Variants in TMEM87B observed in about 807,000 individuals in gnomAD.
TMEM87B encodes the protein transmembrane protein 87B.
In TMEM87B, 83 loss-of-function variants were observed where a neutral mutation model predicts 80.3. The observed-to-expected ratio is 1.03, with a 90% CI of 0.87 to 1.24. The LOEUF is 1.24. Among genes scored for constraint, TMEM87B ranks in the 50% most tolerant of loss-of-function variants. The pLI, the probability that TMEM87B is intolerant of heterozygous loss-of-function variation, is 0.00. For missense variants in TMEM87B, 625 were observed against 674.4 expected (o/e 0.93, Z 0.81); for synonymous variants, 219 against 230.5 (o/e 0.95, Z 0.45).
intron 11 of TMEM87B, among the ~76,000 whole-genome samples, chr2:112,096,095 C>G (rs1679459330): frequency 6.6e-6 from 1 of 151,994 alleles, no homozygotes; most frequent in East Asian, 1.9e-4. Context: ...AGGTAAGACT[C>G]CTGGAGGCCC....
intron 17 of TMEM87B, among the ~76,000 whole-genome samples, chr2:112,110,419 T>G (rs1016459905): frequency 2.6e-5 from 4 of 152,210 alleles, no homozygotes; most frequent in African/African-American, 9.6e-5. Flanking sequence ...GTAGAATGTT[T>G]TTAATATTGC....
At chr2:112,065,643 CAAAAAAAAAA>C (rs58619427) in intron 3 of TMEM87B, among the ~76,000 whole-genome samples, 3 of 75,352 alleles carry the variant, frequency 4.0e-5, no homozygotes, top group Non-Finnish European at 5.4e-5. Flanking sequence ...ACCTTGTCTT[CAAAAAAAAAA>C]AAAAAAAAAA....
intron 1 of TMEM87B, among the ~76,000 whole-genome samples, chr2:112,056,516 G>T (rs1678068342): frequency 6.6e-6 from 1 of 152,158 alleles, no homozygotes; most frequent in African/African-American, 2.4e-5. Context: ...CAGAATTATG[G>T]AAAGTCTTGC....
At chr2:112,086,429 G>A (rs1679146986) in intron 9 of TMEM87B, among the ~76,000 whole-genome samples, 1 of 152,000 alleles carries the variant, frequency 6.6e-6, no homozygotes, top group Non-Finnish European at 1.5e-5. Flanking sequence ...AGCTTTTATG[G>A]TCCTATCTGA....
In TMEM87B at chr2:112,118,633, T is replaced by G. The variant is rs1194885116; in HGVS notation, c.*2490T>G. ...AAAATATGTGAATATGTGAATTTTT[T>G]AAGCCTGAGAGATGATAGAATGTTC... is the stretch of plus-strand genomic sequence containing the variant. On this transcript the variant is annotated 3_prime_UTR_variant, in exon 19 of 19. Transcript: ENST00000283206. 2.6e-5 allele frequency: 4 copies of G among 152,172 alleles called. No individual in the cohort carries two copies. The allele number at this position is 152,172 out of a possible 1,614,324, so 9.4% of individuals were successfully genotyped here. A position where few individuals can be genotyped will look rare whatever the true frequency, so the allele number is the denominator to read the frequency against.
intron 9 of TMEM87B, among the ~76,000 whole-genome samples, chr2:112,087,806 C>T (rs897798717): frequency 2.0e-5 from 3 of 152,152 alleles, no homozygotes; most frequent in African/African-American, 7.2e-5. Flanking sequence ...TCAGCCTCCC[C>T]AGTATTGCTC....
intron 13 of TMEM87B, 78 bp from the exon 14 acceptor site, chr2:112,098,517 A>G: frequency 7.6e-7 from 1 of 1,316,364 alleles, no homozygotes; most frequent in South Asian, 1.2e-5. Context: ...AGTACTTGTC[A>G]TTGTACATTA....
intron 8 of TMEM87B, among the ~76,000 whole-genome samples, chr2:112,083,170 T>C (rs890710405): frequency 6.6e-6 from 1 of 152,192 alleles, no homozygotes; most frequent in Non-Finnish European, 1.5e-5. Flanking sequence ...TCAGACTAAT[T>C]TTTTTGTTTT....
At chr2:112,097,322 T>A (rs752575587) in intron 13 of TMEM87B, 31 bp downstream of exon 13, 7 of 1,506,520 alleles carry the variant, frequency 4.6e-6, no homozygotes, top group Non-Finnish European at 6.3e-6. Flanking sequence ...TAAACAGTTA[T>A]TTTTATTTAT....
intron 14 of TMEM87B, among the ~76,000 whole-genome samples, chr2:112,099,556 A>ATG (rs1558847655): frequency 4.3e-5 from 2 of 46,372 alleles, no homozygotes; most frequent in African/African-American, 2.6e-4. Flanking sequence ...ATATATATAT[A>ATG]CACACACACA....
In TMEM87B at chr2:112,081,484, T is replaced by A. The variant is rs140358775; in HGVS notation, c.804T>A (p.Ser268Arg). Residue 268 changes from serine (S) to arginine (R), a missense_variant, in exon 8 of 19, where the codon AGT (serine) becomes AGA (arginine). Ser to Arg is a moderately radical substitution (Grantham distance 110). Coordinates refer to ENST00000283206, the MANE Select transcript of TMEM87B (RefSeq NM_032824.3). ...TGCTTGAAAAAGCAGTTTTTTATAG[T>A]GAATACCAAAACATCAGCAACACTG... ...LGMLEKAVFY[S>R]EYQNISNTGL... The A allele has an allele frequency of 7.2e-5, 116 of 1,612,288 alleles. No homozygotes were observed. Among genetic ancestry groups the A allele is most frequent in the Non-Finnish European group, 3.4e-6 (4 of 1,179,732 alleles).
At chr2:112,058,481 T>A (rs1358776118) in intron 1 of TMEM87B, among the ~76,000 whole-genome samples, 4 of 152,154 alleles carry the variant, frequency 2.6e-5, no homozygotes, top group Non-Finnish European at 5.9e-5. Flanking sequence ...TCTAGCAGAG[T>A]GGGCACAGAA....
At position 112,100,491 on chromosome 2, in the gene TMEM87B, T is replaced by C. The variant is rs1679599382; in HGVS notation, c.1377-131T>C. 5.3e-6 allele frequency: 3 copies of C among 568,816 alleles called. No homozygotes were observed. In the South Asian group the frequency reaches 7.4e-5, roughly 14 times the overall value. The allele number at this position is 568,816 out of a possible 1,614,324, so 35.2% of individuals were successfully genotyped here. A position where few individuals can be genotyped will look rare whatever the true frequency, so the allele number is the denominator to read the frequency against. On this transcript the variant is annotated intron_variant, in intron 14 of 18. Coordinates refer to ENST00000283206, the MANE Select transcript of TMEM87B (RefSeq NM_032824.3). Reference sequence around the variant, plus strand: ...TTAGCTAATTTGAAAGTAAAATAATTACGTTTTCATTATTTTAAAGTATAA... The same window carrying C: ...TTAGCTAATTTGAAAGTAAAATAATCACGTTTTCATTATTTTAAAGTATAA...
chr2:112,074,877 C>T (rs200715346), intron 4 of TMEM87B, 35 bp from the exon 5 acceptor site: 7 of 1,504,608 alleles, frequency 4.7e-6, no homozygotes, highest in Middle Eastern at 3.6e-4. Context: ...AGAAATGCAG[C>T]AGTATAAAAT....
chr2:112,095,266 C>G lies in TMEM87B; in HGVS notation c.1105-1778C>G, dbSNP rs931114696. On this transcript the variant is annotated intron_variant, in intron 11 of 18. Coordinates refer to ENST00000283206, the MANE Select transcript of TMEM87B (RefSeq NM_032824.3). The stretch of plus-strand genomic sequence containing the variant: ...ATCTTGTTCTTCTGGCCAGCCTCCC[C>G]CTCTCTCTCCTTGACTCTGGCTTGT... The G allele has an allele frequency of 3.2e-5, 31 of 963,624 alleles. No homozygotes were observed. In the South Asian group the frequency reaches 9.4e-4, roughly 29 times the overall value. The allele number at this position is 963,624 out of a possible 1,614,324, so 59.7% of individuals were successfully genotyped here.
At chr2:112,107,760 C>A (rs1392541236) in intron 16 of TMEM87B, 28 bp from the exon 17 acceptor site, 3 of 1,453,514 alleles carry the variant, frequency 2.1e-6, no homozygotes, top group South Asian at 2.6e-5. Flanking sequence ...TGATATTAAG[C>A]AAATGCTAAG....
intron 8 of TMEM87B, 60 bp from the exon 9 acceptor site, chr2:112,085,945 C>A: frequency 7.1e-7 from 1 of 1,406,688 alleles, no homozygotes; most frequent in Admixed American, 1.8e-5. Context: ...TGTTGAGAAT[C>A]TTGGTTGGCA....
chr2:112,077,038 C>CAAAAA (rs35044756), intron 5 of TMEM87B, among the ~76,000 whole-genome samples, 154 bp from the exon 6 acceptor site: 30 of 85,338 alleles, frequency 3.5e-4, no homozygotes, highest in Middle Eastern at 6.0e-3. Flanking sequence ...ACCCCCATCT[C>CAAAAA]AAAAAAAAAA....
At chr2:112,116,031 G>T (rs1680013919) in intron 18 of TMEM87B, 53 bp from the exon 19 acceptor site, 2 of 1,497,140 alleles carry the variant, frequency 1.3e-6, no homozygotes, top group Non-Finnish European at 1.8e-6. Flanking sequence ...TTTTGTTAGG[G>T]TTCTGGAAGT....
Sources: gnomAD v4.1 joint callset for allele counts (sites outside exome capture counted in the v4.1 genomes callset) on GRCh38, gnomAD v4.1.1 for gene constraint, MANE v1.5 for transcripts, NCBI Gene and HGNC (gene_info 2026-07-23, HGNC 2026-07-21) for gene names.